The following DCC variants were observed in gnomAD, a reference collection of about 807,000 sequenced individuals.
DCC encodes netrin receptor DCC.
In DCC, 58 loss-of-function variants were observed where a neutral mutation model predicts 172.5. The observed-to-expected ratio is 0.34, with a 90% CI of 0.27 to 0.42. The LOEUF (loss-of-function observed/expected upper bound fraction) is 0.42, where lower values mean the gene tolerates loss of function less well. DCC is among the 10% of genes least tolerant of loss of function. The pLI, the probability that DCC is intolerant of heterozygous loss-of-function variation, is 1.00. For missense variants in DCC, 1,740 were observed against 1,791.0 expected, an observed-to-expected ratio of 0.97 and a Z score of 0.51; for synonymous variants, 709 against 644.5, an observed-to-expected ratio of 1.10 and a Z score of -1.52.
At chr18:52,576,064 T>C (rs1364094672) in intron 1 of DCC, among the ~76,000 whole-genome samples, 1 of 152,188 alleles carries the variant, frequency 6.6e-6, no homozygotes, top group Non-Finnish European at 1.5e-5. Context: ...ACTTGGTCTT[T>C]TGTGGTTCTT....
At chr18:53,458,272 G>GA (rs1332816224) in intron 23 of DCC, among the ~76,000 whole-genome samples, 1 of 152,124 alleles carries the variant, frequency 6.6e-6, no homozygotes, top group Non-Finnish European at 1.5e-5. Flanking sequence ...AATGATTTCT[G>GA]AAAAGGACCA....
chr18:52,646,839 A>G (rs2035028515), intron 1 of DCC, among the ~76,000 whole-genome samples: 1 of 152,132 alleles, frequency 6.6e-6, no homozygotes, highest in Admixed American at 6.5e-5. Flanking sequence ...CTTAATCTCG[A>G]GCTCCCTCTC....
At chr18:52,983,566 T>C (rs911245808) in intron 5 of DCC, among the ~76,000 whole-genome samples, 1 of 152,166 alleles carries the variant, frequency 6.6e-6, no homozygotes, top group African/African-American at 2.4e-5. Context: ...TTTGTGTATG[T>C]GGTGATATTG....
At chr18:53,195,590 G>A (rs551778203) in intron 9 of DCC, among the ~76,000 whole-genome samples, 26 of 152,082 alleles carry the variant, frequency 1.7e-4, no homozygotes, top group Non-Finnish European at 2.9e-4. Context: ...AGCCTTCCAC[G>A]AGGTATAGGG....
intron 2 of DCC, among the ~76,000 whole-genome samples, chr18:52,845,508 A>T (rs183276856): frequency 7.9e-5 from 12 of 152,306 alleles, no homozygotes; most frequent in African/African-American, 2.2e-4. Flanking sequence ...TCTCTTAGGA[A>T]AAAGACCATG....
At chr18:53,411,424 G>T (rs1278310800) in intron 20 of DCC, among the ~76,000 whole-genome samples, 1 of 152,088 alleles carries the variant, frequency 6.6e-6, no homozygotes, top group Non-Finnish European at 1.5e-5. Context: ...GATATGTGTT[G>T]TTCTAAAGAA....
At chr18:53,257,363 T>A (rs7231884) in intron 12 of DCC, among the ~76,000 whole-genome samples, 8,562 of 152,214 alleles carry the variant, frequency 0.056, 773 homozygotes, top group African/African-American at 0.18. Context: ...CATAGATAGC[T>A]CTGATTATTT....
At chr18:53,335,973 G>A (rs1032648123) in intron 14 of DCC, among the ~76,000 whole-genome samples, 10 of 152,222 alleles carry the variant, frequency 6.6e-5, no homozygotes, top group South Asian at 2.1e-4. Flanking sequence ...GCCCCTGTGA[G>A]TTAATTACCT....
intron 1 of DCC, among the ~76,000 whole-genome samples, chr18:52,423,960 C>A (rs1987338216): frequency 6.6e-6 from 1 of 152,050 alleles, no homozygotes; most frequent in South Asian, 2.1e-4. Flanking sequence ...CCGATAATGT[C>A]TCTAGGACCA....
intron 1 of DCC, among the ~76,000 whole-genome samples, chr18:52,344,494 C>G (rs769616500): frequency 1.3e-5 from 2 of 152,166 alleles, no homozygotes; most frequent in African/African-American, 4.8e-5. Flanking sequence ...ATACATCTAA[C>G]AGTCTGGGAT....
intron 1 of DCC, among the ~76,000 whole-genome samples, chr18:52,417,771 G>A (rs1222944): frequency 2.6e-5 from 4 of 152,042 alleles, no homozygotes; most frequent in South Asian, 2.1e-4. Flanking sequence ...TTATACATTC[G>A]TCTAAATTTT....
chr18:53,500,797 T>G (rs1339618625), intron 27 of DCC, among the ~76,000 whole-genome samples: 1 of 151,876 alleles, frequency 6.6e-6, no homozygotes, highest in Non-Finnish European at 1.5e-5. Context: ...CAGGTCATGA[T>G]TTCATTCTAC....
chr18:53,214,201 C>G (rs1322998943), intron 11 of DCC, among the ~76,000 whole-genome samples: 1 of 151,792 alleles, frequency 6.6e-6, no homozygotes. Context: ...GAAAAACAAG[C>G]AGATGAGCAT....
chr18:52,932,145 T>C (rs1217918113), intron 5 of DCC, among the ~76,000 whole-genome samples: 2 of 152,122 alleles, frequency 1.3e-5, no homozygotes, highest in Non-Finnish European at 2.9e-5. Flanking sequence ...ACTACTTGTA[T>C]TATTTATTTT....
At chr18:52,620,397 C>T (rs1321346144) in intron 1 of DCC, among the ~76,000 whole-genome samples, 1 of 152,182 alleles carries the variant, frequency 6.6e-6, no homozygotes, top group Admixed American at 6.5e-5. Flanking sequence ...GAGACTCTGG[C>T]TCCATAACTA....
intron 5 of DCC, among the ~76,000 whole-genome samples, chr18:53,018,100 A>G (rs1248774076): frequency 2.6e-5 from 4 of 152,228 alleles, no homozygotes; most frequent in African/African-American, 9.7e-5. Context: ...GCAAACCACC[A>G]TGGCACGTGT....
At chr18:53,470,012 T>C (rs903192199) in intron 25 of DCC, among the ~76,000 whole-genome samples, 4 of 152,128 alleles carry the variant, frequency 2.6e-5, no homozygotes, top group Admixed American at 2.6e-4. Context: ...CTGGTTTTCT[T>C]CCTACCCTTC....
intron 8 of DCC, among the ~76,000 whole-genome samples, chr18:53,168,577 G>A (rs531277037): frequency 1.5e-5 from 2 of 135,428 alleles, no homozygotes; most frequent in African/African-American, 2.7e-5. Flanking sequence ...GGGCGGGCGG[G>A]GGGGCTAGGG....
rs112433088 is a variant in DCC, at chr18:52,906,275, G to T, written c.644G>T (p.Arg215Leu). 4 of 1,614,012 alleles carry T rather than the reference G, an allele frequency of 2.5e-6. No homozygotes were observed. In the African/African-American group the frequency reaches 4.0e-5, roughly 16 times the overall value. Residue 215 changes from arginine (R) to leucine (L), a missense_variant, in exon 3 of 29, where the codon CGA becomes CTA. Coordinates refer to ENST00000442544, the MANE Select transcript of DCC (RefSeq NM_005215.4). Reference protein sequence around the residue: ...GDIGIYRCSARNPASSRTGNE... With the variant: ...GDIGIYRCSALNPASSRTGNE... ...ATTGGAATTTACCGATGCTCAGCTCGAAATCCAGCCAGCTCAAGAACAGGA... is the reference window on the plus strand; with the variant it reads ...ATTGGAATTTACCGATGCTCAGCTCTAAATCCAGCCAGCTCAAGAACAGGA...
Sources: allele counts gnomAD v4.1 joint callset (sites outside exome capture counted in the v4.1 genomes callset), GRCh38; gene constraint gnomAD v4.1.1; transcripts MANE v1.5; gene names NCBI Gene and HGNC (gene_info 2026-07-23, HGNC 2026-07-21).